L3MBTL4: variants seen among roughly 807,000 people sequenced by gnomAD.
L3MBTL4 encodes lethal(3)malignant brain tumor-like protein 4.
A neutral mutation model predicts 84.5 loss-of-function variants in L3MBTL4; 70 were observed. The observed-to-expected ratio is 0.83, with a 90% CI of 0.68 to 1.01. L3MBTL4 has a LOEUF of 1.01. Among genes scored for constraint, L3MBTL4 ranks in the 50% least tolerant of loss-of-function variants. The pLI is 0.00. For synonymous variants in L3MBTL4, 274 were observed against 259.8 expected (o/e 1.05, Z -0.52); for missense variants, 715 against 754.8 (o/e 0.95, Z 0.62).
chr18:6,247,792 G>T (rs1245495650), intron 5 of L3MBTL4, among the ~76,000 whole-genome samples: 1 of 150,936 alleles, frequency 6.6e-6, no homozygotes, highest in East Asian at 2.0e-4. Context: ...CTGATTTTTT[G>T]ACTAGAACAT....
At chr18:6,059,711 T>C (rs1426724301) in intron 16 of L3MBTL4, among the ~76,000 whole-genome samples, 1 of 152,166 alleles carries the variant, frequency 6.6e-6, no homozygotes, top group African/African-American at 2.4e-5. Context: ...TAAAGCCTCA[T>C]TGGCTGCTGT....
chr18:6,255,779 C>CAAAAAA (rs80253863), intron 5 of L3MBTL4, among the ~76,000 whole-genome samples: 3 of 66,194 alleles, frequency 4.5e-5, no homozygotes, highest in African/African-American at 4.7e-5. Flanking sequence ...ATATAAAAGG[C>CAAAAAA]AAAAAAAAAA....
chr18:6,266,151 A>G (rs573925593), intron 4 of L3MBTL4, among the ~76,000 whole-genome samples: 1 of 152,336 alleles, frequency 6.6e-6, no homozygotes, highest in South Asian at 2.1e-4. Context: ...ATATTAAGAC[A>G]TTCATTTATT....
chr18:5,974,366 A>G (rs1298268750), intron 16 of L3MBTL4, among the ~76,000 whole-genome samples: 3 of 152,214 alleles, frequency 2.0e-5, no homozygotes, highest in Non-Finnish European at 4.4e-5. Context: ...TGAGTCTAGC[A>G]GCACTCAGAG....
At chr18:6,120,159 A>C (rs1333460275) in intron 14 of L3MBTL4, among the ~76,000 whole-genome samples, 1 of 152,200 alleles carries the variant, frequency 6.6e-6, no homozygotes, top group African/African-American at 2.4e-5. Flanking sequence ...GAAACAGTAC[A>C]GATGTGTTTT....
At chr18:6,019,485 T>G (rs1332152263) in intron 16 of L3MBTL4, among the ~76,000 whole-genome samples, 1 of 152,220 alleles carries the variant, frequency 6.6e-6, no homozygotes, top group Non-Finnish European at 1.5e-5. Flanking sequence ...TTCTTTTTTC[T>G]TCGTTCGTCT....
At chr18:6,110,943 G>T (rs988515404) in intron 14 of L3MBTL4, among the ~76,000 whole-genome samples, 2 of 152,096 alleles carry the variant, frequency 1.3e-5, no homozygotes, top group African/African-American at 4.8e-5. Context: ...TGTATAAATG[G>T]TTCCTTTCCT....
At position 6,072,884 on chromosome 18, in the gene L3MBTL4, ATATATATATATATATAT is replaced by A. The variant is rs2057728523; in HGVS notation, c.1444+7980_1444+7996del. On this transcript the variant is annotated intron_variant, in intron 16 of 18. Transcript: ENST00000317931. ...CCGTCTCAAAAAAAAAAAAAAAAATATATATATATATATATATATATATATATATATATATATATATA... is the reference window on the plus strand; with the variant it reads ...CCGTCTCAAAAAAAAAAAAAAAAATAATATATATATATATATATATATATA... 1.2e-3 allele frequency among the ~76,000 whole-genome samples: 23 copies of A among 19,738 alleles called. 4 individuals are homozygous for A. The highest frequency in any genetic ancestry group is 5.5e-3 in the East Asian group (3 of 542). 12.9% of individuals were successfully genotyped at this position (19,738 alleles called of 152,430 possible).
At chr18:6,041,260 G>C (rs573110089) in intron 16 of L3MBTL4, among the ~76,000 whole-genome samples, 2 of 152,192 alleles carry the variant, frequency 1.3e-5, no homozygotes, top group African/African-American at 4.8e-5. Context: ...AGCCGCTTCT[G>C]GATCTACCTT....
intron 14 of L3MBTL4, among the ~76,000 whole-genome samples, chr18:6,137,802 T>C (rs1192423273): frequency 6.6e-6 from 1 of 151,868 alleles, no homozygotes; most frequent in East Asian, 1.9e-4. Flanking sequence ...TAACTCCAAA[T>C]GAATAAGAAA....
chr18:6,113,873 T>G (rs187119713), intron 14 of L3MBTL4, among the ~76,000 whole-genome samples: 1 of 152,342 alleles, frequency 6.6e-6, no homozygotes, highest in East Asian at 1.9e-4. Context: ...GCACAATGTT[T>G]GGAATTGTCC....
rs8089232 is a variant in L3MBTL4, at chr18:6,399,139, C to T, written c.-91+15662G>A. Among the ~76,000 whole-genome samples, 1,005 of 152,236 alleles carry T rather than the reference C, an allele frequency of 6.6e-3. 7 individuals are homozygous for T. The highest frequency in any genetic ancestry group is 0.023 in the African/African-American group (938 of 41,514). Reference sequence around the variant, plus strand: ...TATATTTTAATTACACTTAGCCAAACCTTTGGAAAGAAAAAGGACACTGGG... The same window carrying T: ...TATATTTTAATTACACTTAGCCAAATCTTTGGAAAGAAAAAGGACACTGGG... On this transcript the variant is annotated intron_variant, in intron 1 of 18. Transcript: ENST00000317931.
chr18:5,970,973 A>G (rs2052612666), intron 16 of L3MBTL4, among the ~76,000 whole-genome samples: 1 of 152,204 alleles, frequency 6.6e-6, no homozygotes, highest in African/African-American at 2.4e-5. Context: ...CTACACAGAT[A>G]AAGAGACAGC....
intron 1 of L3MBTL4, among the ~76,000 whole-genome samples, chr18:6,330,789 C>T (rs1280689229): frequency 6.6e-6 from 1 of 152,196 alleles, no homozygotes; most frequent in Non-Finnish European, 1.5e-5. Context: ...AATCAAGCTT[C>T]TTTCTTTCTA....
At chr18:6,288,015 C>G (rs892660520) in intron 4 of L3MBTL4, among the ~76,000 whole-genome samples, 1 of 152,128 alleles carries the variant, frequency 6.6e-6, no homozygotes, top group Non-Finnish European at 1.5e-5. Flanking sequence ...TGCACTCCAG[C>G]CTGGGTGACA....
chr18:6,248,348 G>A (rs1028924485), intron 5 of L3MBTL4, among the ~76,000 whole-genome samples: 1 of 152,094 alleles, frequency 6.6e-6, no homozygotes, highest in Non-Finnish European at 1.5e-5. Context: ...AACTGTGCTC[G>A]TGAACTACTT....
chr18:5,972,504 C>T (rs1286471682), intron 16 of L3MBTL4, among the ~76,000 whole-genome samples: 1 of 152,100 alleles, frequency 6.6e-6, no homozygotes, highest in Non-Finnish European at 1.5e-5. Context: ...GTGGCAGGTA[C>T]TACTTTAACT....
At chr18:6,028,120 G>T (rs1363115349) in intron 16 of L3MBTL4, among the ~76,000 whole-genome samples, 1 of 152,176 alleles carries the variant, frequency 6.6e-6, no homozygotes, top group African/African-American at 2.4e-5. Flanking sequence ...CCATGTATAT[G>T]TCGTGAATGG....
chr18:6,208,116 AAAATAAATAAAT>A (rs71163265), intron 12 of L3MBTL4, among the ~76,000 whole-genome samples: 1,983 of 144,496 alleles, frequency 0.014, 37 homozygotes, highest in African/African-American at 0.046. Context: ...CCCTGTCTAA[AAAATAAATAAAT>A]AAATAAATAA....
Sources: allele counts gnomAD v4.1 joint callset (sites outside exome capture counted in the v4.1 genomes callset), GRCh38; gene constraint gnomAD v4.1.1; transcripts MANE v1.5; gene names NCBI Gene and HGNC (gene_info 2026-07-23, HGNC 2026-07-21).